The following PCED1B variants were observed in gnomAD, a reference collection of about 807,000 sequenced individuals.
The protein encoded by PCED1B is PC-esterase domain-containing protein 1B.
For missense variants in PCED1B, 573 were observed against 573.9 expected, an observed-to-expected ratio of 1.00 and a Z score of 0.02; for synonymous variants, 251 against 246.1, an observed-to-expected ratio of 1.02 and a Z score of -0.19.
chr12:47,167,255 C>T (rs548830488), intron 2 of PCED1B, among the ~76,000 whole-genome samples: 1 of 152,142 alleles, frequency 6.6e-6, no homozygotes, highest in Admixed American at 6.5e-5. Flanking sequence ...TTCAACGTAA[C>T]AAAAAGGCAT....
chr12:47,139,891 T>C (rs1159953876), intron 2 of PCED1B, among the ~76,000 whole-genome samples: 3 of 152,014 alleles, frequency 2.0e-5, no homozygotes, highest in Non-Finnish European at 4.4e-5. Context: ...ATCTGTGTGG[T>C]GTGGTAGGTG....
intron 2 of PCED1B, among the ~76,000 whole-genome samples, chr12:47,119,229 T>C (rs1939568041): frequency 1.3e-5 from 2 of 152,086 alleles, no homozygotes; most frequent in South Asian, 2.1e-4. Context: ...ACACCAAATA[T>C]AAAAATTAAT....
intron 2 of PCED1B, among the ~76,000 whole-genome samples, chr12:47,123,237 C>T (rs1369869178): frequency 6.6e-6 from 1 of 152,142 alleles, no homozygotes. Context: ...TTCTTAACAA[C>T]TTTTGTTAGG....
chr12:47,220,068 C>CAAAAAAAAAAAA (rs763940625), intron 3 of PCED1B, among the ~76,000 whole-genome samples: 3 of 103,738 alleles, frequency 2.9e-5, no homozygotes, highest in Non-Finnish European at 4.1e-5. Context: ...GACACTGCCT[C>CAAAAAAAAAAAA]AAAAAAAAAA....
chr12:47,107,559 G>GC (rs1378512282), intron 2 of PCED1B, among the ~76,000 whole-genome samples: 1 of 152,206 alleles, frequency 6.6e-6, no homozygotes, highest in Non-Finnish European at 1.5e-5. Flanking sequence ...CCTTGGTATG[G>GC]CCCCCGACAC....
At chr12:47,210,175 A>G (rs1003337153) in intron 2 of PCED1B, 27 of 152,264 alleles carry the variant, frequency 1.8e-4, no homozygotes, top group African/African-American at 6.5e-4. Flanking sequence ...AACCAGAAAC[A>G]AAGACATTTC....
chr12:47,158,692 TG>T (rs1565573647), intron 2 of PCED1B, among the ~76,000 whole-genome samples: 2 of 152,342 alleles, frequency 1.3e-5, no homozygotes, highest in East Asian at 3.8e-4. Flanking sequence ...GGTGATATTT[TG>T]TTACATGCAT....
At chr12:47,111,673 A>C (rs1036075868) in intron 2 of PCED1B, among the ~76,000 whole-genome samples, 7 of 152,026 alleles carry the variant, frequency 4.6e-5, no homozygotes, top group African/African-American at 1.7e-4. Context: ...TTTTAAGTGG[A>C]ATTGTTCTGT....
intron 2 of PCED1B, among the ~76,000 whole-genome samples, chr12:47,215,522 G>A (rs1177125387): frequency 6.6e-6 from 1 of 151,978 alleles, no homozygotes; most frequent in African/African-American, 2.4e-5. Flanking sequence ...CCAAAGTGCT[G>A]GGATTACAGG....
chr12:47,226,010 C>G (rs574934929), intron 3 of PCED1B, among the ~76,000 whole-genome samples: 1 of 152,200 alleles, frequency 6.6e-6, no homozygotes, highest in East Asian at 1.9e-4. Context: ...GCTTATGAAG[C>G]TATTAAAAAA....
intron 2 of PCED1B, among the ~76,000 whole-genome samples, chr12:47,116,455 G>A (rs968368182): frequency 6.6e-6 from 1 of 151,978 alleles, no homozygotes; most frequent in Non-Finnish European, 1.5e-5. Flanking sequence ...AAATAGATTG[G>A]CATAGAGTTT....
intron 1 of PCED1B, among the ~76,000 whole-genome samples, chr12:47,081,864 T>C (rs1470389474): frequency 6.6e-6 from 1 of 152,126 alleles, no homozygotes; most frequent in Non-Finnish European, 1.5e-5. Flanking sequence ...TTCAAAAAAA[T>C]GGAAACAGGA....
intron 1 of PCED1B, among the ~76,000 whole-genome samples, chr12:47,101,574 GC>G (rs1451661901): frequency 6.6e-6 from 1 of 152,072 alleles, no homozygotes; most frequent in Non-Finnish European, 1.5e-5. Context: ...ATCATCATGA[GC>G]CCCCTTTCCC....
chr12:47,183,017 T>C (rs1942144875), intron 2 of PCED1B, among the ~76,000 whole-genome samples: 2 of 151,660 alleles, frequency 1.3e-5, no homozygotes, highest in South Asian at 4.2e-4. Flanking sequence ...GGTCTCTCTT[T>C]TTTTTTTTGG....
intron 2 of PCED1B, among the ~76,000 whole-genome samples, chr12:47,163,870 G>A (rs1230820330): frequency 1.3e-5 from 2 of 152,152 alleles, no homozygotes; most frequent in East Asian, 1.9e-4. Context: ...AAGTGAGCAG[G>A]CATGTACAAA....
intron 1 of PCED1B, among the ~76,000 whole-genome samples, chr12:47,081,672 G>A (rs1328973059): frequency 6.6e-6 from 1 of 152,198 alleles, no homozygotes; most frequent in Non-Finnish European, 1.5e-5. Context: ...CAATTTTATA[G>A]AGTTAGAATA....
intron 2 of PCED1B, among the ~76,000 whole-genome samples, chr12:47,116,340 C>T (rs940028775): frequency 6.6e-6 from 1 of 152,098 alleles, no homozygotes; most frequent in African/African-American, 2.4e-5. Context: ...TATTTCTAGT[C>T]TGCAAATAAA....
chr12:47,225,102 T>G (rs1943596042), intron 3 of PCED1B, among the ~76,000 whole-genome samples: 1 of 152,126 alleles, frequency 6.6e-6, no homozygotes, highest in African/African-American at 2.4e-5. Flanking sequence ...CAGCTGATTT[T>G]TGTATTTTTG....
chr12:47,188,261 G>A (rs1342440547), intron 2 of PCED1B, among the ~76,000 whole-genome samples: 1 of 152,104 alleles, frequency 6.6e-6, no homozygotes, highest in Non-Finnish European at 1.5e-5. Context: ...ATTATTAAAG[G>A]CTAATCTCAG....
Sources: allele counts gnomAD v4.1 joint callset (sites outside exome capture counted in the v4.1 genomes callset), GRCh38; gene constraint gnomAD v4.1.1; transcripts MANE v1.5; gene names NCBI Gene and HGNC (gene_info 2026-07-23, HGNC 2026-07-21).